FHL1: variants seen among roughly 807,000 people sequenced by gnomAD.
FHL1 encodes four and a half LIM domains 1, also known as four and a half LIM domains protein 1.
Under a neutral mutation model 20.3 loss-of-function variants are expected in FHL1, and 1 was observed. The observed-to-expected ratio is 0.05, with a 90% CI of 0.02 to 0.23. The LOEUF is 0.23. FHL1 is among the 10% of genes least tolerant of loss of function. FHL1 has a pLI of 1.00. For missense variants in FHL1, 177 were observed against 234.0 expected (o/e 0.76, Z 1.59); for synonymous variants, 82 against 88.9 (o/e 0.92, Z 0.44).
chrX:136,151,586 G>A (rs1393042125), intron 1 of FHL1, among the ~76,000 whole-genome samples: 4 of 111,841 alleles, frequency 3.6e-5, no homozygotes, highest in East Asian at 2.8e-4. Flanking sequence ...GGTGGTGTGC[G>A]CCTGTAGTCC....
chrX:136,176,765 C>G (rs2073013292), intron 2 of FHL1, among the ~76,000 whole-genome samples: 1 of 111,401 alleles, frequency 9.0e-6, no homozygotes, highest in South Asian at 3.8e-4. Flanking sequence ...TCCCTTGTCT[C>G]TATGGTGACT....
At chrX:136,176,722 A>G (rs1037313233) in intron 2 of FHL1, among the ~76,000 whole-genome samples, 27 of 111,605 alleles carry the variant, frequency 2.4e-4, no homozygotes, top group Admixed American at 2.3e-3. Flanking sequence ...GCAAAGGTGC[A>G]GCACATTTGT....
At chrX:136,168,365 A>C (rs943351313), upstream of FHL1, 2 of 111,986 alleles carry the variant, frequency 1.8e-5, no homozygotes, top group African/African-American at 6.5e-5. Context: ...TACCATGCTA[A>C]ATACTAGGAG....
chrX:136,205,097 C>G (rs1296081386), intron 1 of FHL1, among the ~76,000 whole-genome samples: 1 of 112,294 alleles, frequency 8.9e-6, no homozygotes, highest in Non-Finnish European at 1.9e-5. Context: ...TATCTATTTA[C>G]CCGTGCAAAT....
At chrX:136,200,747 A>G (rs1002688249) in intron 1 of FHL1, among the ~76,000 whole-genome samples, 1 of 112,240 alleles carries the variant, frequency 8.9e-6, no homozygotes, top group Non-Finnish European at 1.9e-5. Flanking sequence ...GCACCAAAGT[A>G]TGTTAGCAGC....
chrX:136,189,626 A>G (rs1277124363), intron 2 of FHL1, among the ~76,000 whole-genome samples: 5 of 111,829 alleles, frequency 4.5e-5, no homozygotes, highest in Non-Finnish European at 9.4e-5. Context: ...TGTTGCAAAT[A>G]TTTACTGCTG....
chrX:136,190,931 A>G (rs922233641), intron 2 of FHL1, among the ~76,000 whole-genome samples: 1 of 111,274 alleles, frequency 9.0e-6, no homozygotes, highest in African/African-American at 3.3e-5. Flanking sequence ...CAACTCTATC[A>G]TGCCATTTTT....
intron 1 of FHL1, chrX:136,147,736 G>C (rs982869694): frequency 9.1e-6 from 1 of 109,291 alleles, no homozygotes; most frequent in Non-Finnish European, 1.9e-5. Context: ...GCCGCCGCTC[G>C]GGGCTGGTCC....
At chrX:136,206,146 G>T in intron 1 of FHL1, 1 of 436,771 alleles carries the variant, frequency 2.3e-6, no homozygotes, top group Non-Finnish European at 4.0e-6. Flanking sequence ...TGATATATCT[G>T]AGCAGGGGCT....
chrX:136,169,740 A>G (rs772457681), intron 1 of FHL1: 3 of 328,585 alleles, frequency 9.1e-6, no homozygotes, highest in Non-Finnish European at 1.8e-5. Flanking sequence ...AGAAGTATGC[A>G]GAACATCTTG....
intron 1 of FHL1, among the ~76,000 whole-genome samples, chrX:136,148,902 A>T (rs2072186610): frequency 8.9e-6 from 1 of 112,316 alleles, no homozygotes; most frequent in African/African-American, 3.2e-5. Flanking sequence ...AGAAGAGTAG[A>T]AGTAGTAGAA....
chrX:136,210,928 T>C lies in FHL1; in HGVS notation c.*903T>C, dbSNP rs764731929. On this transcript the variant is annotated 3_prime_UTR_variant, in exon 6 of 6. Transcript: ENST00000370683. ...AGTGCTGAAATTCATCCTACGGAAG[T>C]AACCGCAAAACTCTAGAGGGGGAGT... 1 of 381,510 alleles carries C rather than the reference T, an allele frequency of 2.6e-6. No individual in the cohort carries two copies. The highest frequency in any genetic ancestry group is 5.6e-5 in the East Asian group (1 of 17,943). 31.4% of individuals were successfully genotyped at this position (381,510 alleles called of 1,213,427 possible).
chrX:136,150,681 T>G (rs2148257611), intron 1 of FHL1, among the ~76,000 whole-genome samples: 1 of 112,203 alleles, frequency 8.9e-6, no homozygotes, highest in African/African-American at 3.2e-5. Flanking sequence ...TCAACAAACA[T>G]TTGCCGAGTT....
chrX:136,203,067 G>A (rs184723436), intron 1 of FHL1, among the ~76,000 whole-genome samples: 19 of 112,577 alleles, frequency 1.7e-4, no homozygotes, highest in Non-Finnish European at 3.2e-4. Context: ...GCTAATTCAG[G>A]TTGCCCAGAG....
Position 136,210,497 on chromosome X carries a change from T to A in FHL1, c.*472T>A, listed in dbSNP as rs769325491. The A allele has an allele frequency of 1.3e-4, 52 of 389,968 alleles. No individual in the cohort carries two copies. Among genetic ancestry groups the A allele is most frequent in the Non-Finnish European group, 2.3e-4 (48 of 208,027 alleles). The allele number at this position is 389,968 out of a possible 1,213,427, so 32.1% of individuals were successfully genotyped here. A position where few individuals can be genotyped will look rare whatever the true frequency, so the allele number is the denominator to read the frequency against. Reference sequence around the variant, plus strand: ...GAGCAGGAAAAGAACCCTACTGACATGCATGGTTTAACTTCCTCATCAGAA... The same window carrying A: ...GAGCAGGAAAAGAACCCTACTGACAAGCATGGTTTAACTTCCTCATCAGAA... On this transcript the variant is annotated 3_prime_UTR_variant, in exon 6 of 6. Transcript: ENST00000370683.
At chrX:136,152,700 A>G (rs936607293) in intron 1 of FHL1, among the ~76,000 whole-genome samples, 16 of 94,542 alleles carry the variant, frequency 1.7e-4, no homozygotes, top group African/African-American at 6.2e-4. Flanking sequence ...AGCCTGGGCG[A>G]CAGAGCTAGA....
intron 2 of FHL1, among the ~76,000 whole-genome samples, chrX:136,177,013 T>TACACACACACACACACACACACACAC (rs10527786): frequency 2.8e-4 from 25 of 88,673 alleles, no homozygotes; most frequent in Admixed American, 6.8e-4. Flanking sequence ...CATGTAGAAA[T>TACACACACACACACACACACACACAC]ACACACACAC....
intron 5 of FHL1, among the ~76,000 whole-genome samples, chrX:136,208,856 A>G (rs894576012): frequency 4.7e-5 from 5 of 106,631 alleles, no homozygotes; most frequent in Non-Finnish European, 7.7e-5. Context: ...GTTGACTAAC[A>G]ATGCTGAGAG....
At chrX:136,199,398 G>A (rs1382035719) in intron 1 of FHL1, among the ~76,000 whole-genome samples, 1 of 111,319 alleles carries the variant, frequency 9.0e-6, no homozygotes. Flanking sequence ...TTCTGTACAC[G>A]TTCTATTTTG....
Sources: allele counts gnomAD v4.1 joint callset (sites outside exome capture counted in the v4.1 genomes callset), GRCh38; gene constraint gnomAD v4.1.1; transcripts MANE v1.5; gene names NCBI Gene and HGNC (gene_info 2026-07-23, HGNC 2026-07-21).